The following CTSD variants were observed in gnomAD, a reference collection of about 807,000 sequenced individuals.
The protein encoded by CTSD is ceroid-lipofuscinosis, neuronal 10.
In CTSD, 28 loss-of-function variants were observed where a neutral mutation model predicts 43.6. The ratio of observed to expected loss-of-function variants is 0.64; its 90% CI spans 0.48 to 0.88. The LOEUF is 0.88. Ranked by LOEUF, CTSD falls within the 40% of genes least tolerant of loss-of-function variation. The pLI, the probability that CTSD is intolerant of heterozygous loss-of-function variation, is 0.00. For synonymous variants in CTSD, 270 were observed against 249.8 expected (o/e 1.08, Z -0.76); for missense variants, 485 against 555.2 (o/e 0.87, Z 1.27).
intron 5 of CTSD, chr11:1,755,392 A>C: frequency 5.5e-6 from 2 of 361,236 alleles, no homozygotes; most frequent in Non-Finnish European, 1.1e-5. Flanking sequence ...TGGAAGAAAA[A>C]ACCAAAGAAG....
chr11:1,754,554 A>AGGGGGGGG (rs1845782649), intron 6 of CTSD, among the ~76,000 whole-genome samples: 1 of 79,590 alleles, frequency 1.3e-5, no homozygotes, highest in Non-Finnish European at 2.6e-5. Context: ...GATGGAGGGG[A>AGGGGGGGG]TGGAGGGATG....
chr11:1,754,399 G>A (rs987260151), intron 6 of CTSD: 75 of 544,298 alleles, frequency 1.4e-4, no homozygotes, highest in Non-Finnish European at 2.0e-4. Context: ...GGATGGAGGG[G>A]ATGGAGGGGA....
intron 5 of CTSD, among the ~76,000 whole-genome samples, chr11:1,756,218 C>T (rs985139433): frequency 2.6e-5 from 4 of 152,260 alleles, no homozygotes. Context: ...TGTGCCCCCT[C>T]CCCATGTGGG....
At chr11:1,754,429 G>GAAGAGTCACA in intron 6 of CTSD, among the ~76,000 whole-genome samples, 1 of 141,728 alleles carries the variant, frequency 7.1e-6, no homozygotes, top group East Asian at 2.2e-4. Context: ...GGAGGGGCAT[G>GAAGAGTCACA]GAGGGATGGA....
rs199865283 is a variant in CTSD at position 1,759,115 on chromosome 11, G to A, written c.353-28C>T. 188 of 1,532,578 alleles carry A rather than the reference G, an allele frequency of 1.2e-4. No individual in the cohort carries two copies. In the African/African-American group the frequency reaches 2.0e-3, roughly 16 times the overall value. The allele number at this position is 1,532,578 out of a possible 1,614,324, so 94.9% of individuals were successfully genotyped here. A position where few individuals can be genotyped will look rare whatever the true frequency, so the allele number is the denominator to read the frequency against. On this transcript the variant is annotated intron_variant, in intron 3 of 8. Coordinates refer to ENST00000236671, the MANE Select transcript of CTSD (RefSeq NM_001909.5). ...GCCCCGGGCGACAAGGGGGCCCGCC[G>A]GTCATCCCGCAGCCCACGCCACGGC...
intron 1 of CTSD, 90 bp from the exon 2 acceptor site, chr11:1,761,558 G>A: frequency 6.9e-7 from 1 of 1,448,700 alleles, no homozygotes; most frequent in Non-Finnish European, 9.6e-7. Context: ...GAGGCCCCTG[G>A]GGAATCTCAG....
intron 2 of CTSD, 71 bp downstream of exon 2, chr11:1,761,238 G>A: frequency 6.4e-7 from 1 of 1,561,944 alleles, no homozygotes; most frequent in Admixed American, 1.7e-5. Flanking sequence ...AGGTGGGAAT[G>A]TTCCCCATAC....
intron 1 of CTSD, chr11:1,763,398 G>A (rs1845907340): frequency 1.0e-5 from 2 of 191,920 alleles, no homozygotes. Context: ...CCCAGACTCG[G>A]GGGCTCTGAG....
Position 1,761,485 on chromosome 11 carries a change from G to C in CTSD, c.69-17C>G, listed in dbSNP as rs371858126. On this transcript the variant is annotated splice_polypyrimidine_tract_variant and intron_variant, in intron 1 of 8. Coordinates refer to ENST00000236671, the MANE Select transcript of CTSD (RefSeq NM_001909.5). ...AGCGGGATCCTGTCAACCACGGGTC[G>C]GGGCATATCAGGGAGGCCCTCCCGC... The C allele has an allele frequency of 6.2e-7, 1 of 1,613,570 alleles. No homozygotes were observed.
At chr11:1,756,556 C>G (rs1276549255) in intron 5 of CTSD, among the ~76,000 whole-genome samples, 1 of 152,210 alleles carries the variant, frequency 6.6e-6, no homozygotes, top group African/African-American at 2.4e-5. Context: ...TGACCAGGCG[C>G]AGCTCAGGGC....
At chr11:1,758,140 A>G (rs923307868) in intron 4 of CTSD, 2 of 190,708 alleles carry the variant, frequency 1.0e-5, no homozygotes, top group Non-Finnish European at 2.2e-5. Context: ...TTTCCTGTTC[A>G]GGCTGAGCAG....
chr11:1,754,184 C>T (rs1316313599), intron 6 of CTSD, 46 bp from the exon 7 acceptor site: 3 of 1,587,080 alleles, frequency 1.9e-6, no homozygotes, highest in Admixed American at 1.7e-5. Context: ...CTGGAGTGTG[C>T]CCTGGGGGCC....
At chr11:1,755,138 G>A (rs1845794819) in intron 5 of CTSD, 110 bp from the exon 6 acceptor site, 1 of 1,333,518 alleles carries the variant, frequency 7.5e-7, no homozygotes, top group East Asian at 2.3e-5. Context: ...CCTGAAGGAG[G>A]GGCCTTTCTG....
chr11:1,760,458 T>A (rs1056355413), intron 2 of CTSD: 1 of 152,232 alleles, frequency 6.6e-6, no homozygotes, highest in African/African-American at 2.4e-5. Flanking sequence ...CAGCCCAATG[T>A]TTCTCCAACC....
intron 4 of CTSD, among the ~76,000 whole-genome samples, chr11:1,758,487 G>A (rs1027189084): frequency 3.9e-5 from 6 of 152,218 alleles, no homozygotes; most frequent in African/African-American, 1.2e-4. Context: ...TGCAGGCGGG[G>A]CCCCCAACAG....
intron 6 of CTSD, among the ~76,000 whole-genome samples, chr11:1,754,507 G>T (rs868660032): frequency 1.5e-3 from 157 of 107,284 alleles, no homozygotes; most frequent in Middle Eastern, 4.7e-3. Flanking sequence ...TGTGGGGATG[G>T]AGGGATGGAG....
rs540870185 is a variant in CTSD, at chr11:1,752,839, G to A, written c.*664C>T. On this transcript the variant is annotated 3_prime_UTR_variant, in exon 9 of 9. Coordinates refer to ENST00000236671, the MANE Select transcript of CTSD (RefSeq NM_001909.5). ...AAGGGGAGGACAACAGAGGTCAGCTGCAGAGGAAGGCTGGCACCAGCCCCC... is the reference window on the plus strand; with the variant it reads ...AAGGGGAGGACAACAGAGGTCAGCTACAGAGGAAGGCTGGCACCAGCCCCC... 6.6e-4 allele frequency: 105 copies of A among 159,010 alleles called. 1 individual carries two copies. Among genetic ancestry groups the A allele is most frequent in the Middle Eastern group, 4.6e-3 (2 of 436 alleles). The allele number at this position is 159,010 out of a possible 1,614,324, so 9.8% of individuals were successfully genotyped here.
intron 3 of CTSD, 96 bp downstream of exon 3, chr11:1,759,420 G>T: frequency 1.9e-6 from 3 of 1,558,746 alleles, no homozygotes; most frequent in Non-Finnish European, 1.8e-6. Flanking sequence ...CCAAGAGGCA[G>T]GAGAATTGCG....
intron 5 of CTSD, chr11:1,755,411 G>A: frequency 2.9e-6 from 1 of 348,924 alleles, no homozygotes; most frequent in Non-Finnish European, 5.6e-6. Flanking sequence ...AGGCTTCCAG[G>A]AGGGAGTGAT....
Sources: gnomAD v4.1 joint callset for allele counts (sites outside exome capture counted in the v4.1 genomes callset) on GRCh38, gnomAD v4.1.1 for gene constraint, MANE v1.5 for transcripts, NCBI Gene and HGNC (gene_info 2026-07-23, HGNC 2026-07-21) for gene names.